The following NCKAP5 variants were observed in gnomAD, a reference collection of about 807,000 sequenced individuals.
NCKAP5 encodes NCK associated protein 5, also known as nck-associated protein 5.
Under a neutral mutation model 167.0 loss-of-function variants are expected in NCKAP5, and 92 were observed. The observed-to-expected ratio is 0.55, with a 90% CI of 0.47 to 0.66. The LOEUF is 0.66. Ranked by LOEUF, NCKAP5 falls within the 30% of genes least tolerant of loss-of-function variation. The pLI, the probability that NCKAP5 is intolerant of heterozygous loss-of-function variation, is 0.00. For synonymous variants in NCKAP5, 891 were observed against 877.4 expected (o/e 1.02, Z -0.27); for missense variants, 2,378 against 2,315.0 (o/e 1.03, Z -0.56).
intron 1 of NCKAP5, among the ~76,000 whole-genome samples, chr2:133,560,312 T>C (rs1416533916): frequency 6.6e-6 from 1 of 152,220 alleles, no homozygotes; most frequent in Non-Finnish European, 1.5e-5. Flanking sequence ...CAGCCACTGT[T>C]CTAGGTCCTA....
At chr2:133,387,248 C>CA (rs557153215) in intron 3 of NCKAP5, among the ~76,000 whole-genome samples, 2,965 of 152,234 alleles carry the variant, frequency 0.019, 92 homozygotes, top group African/African-American at 0.068. Flanking sequence ...CTGGTGGTGA[C>CA]AAAATCTCTC....
intron 11 of NCKAP5, among the ~76,000 whole-genome samples, chr2:132,819,360 G>A (rs751311998): frequency 2.6e-5 from 4 of 152,300 alleles, no homozygotes; most frequent in Middle Eastern, 3.4e-3. Flanking sequence ...CAAGCAGAGC[G>A]CTACAGCTAT....
At chr2:133,507,773 A>C (rs1054864716) in intron 3 of NCKAP5, among the ~76,000 whole-genome samples, 1 of 152,194 alleles carries the variant, frequency 6.6e-6, no homozygotes, top group African/African-American at 2.4e-5. Context: ...AACTGGCAGA[A>C]AGATCATAAA....
At chr2:133,147,985 C>T (rs12622633) in intron 5 of NCKAP5, among the ~76,000 whole-genome samples, 19,773 of 151,940 alleles carry the variant, frequency 0.13, 1,496 homozygotes, top group East Asian at 0.38. Flanking sequence ...ATCTGAAAAC[C>T]ATAAAGCTTT....
At chr2:132,855,954 G>A (rs571094872) in intron 11 of NCKAP5, among the ~76,000 whole-genome samples, 16 of 152,138 alleles carry the variant, frequency 1.1e-4, no homozygotes, top group Non-Finnish European at 1.9e-4. Flanking sequence ...CACAAGGTCA[G>A]GAGATCAAGA....
Position 133,202,461 on chromosome 2 carries a change from C to G in NCKAP5, c.207+11255G>C, listed in dbSNP as rs191400425. Among the ~76,000 whole-genome samples, 6 of 152,262 alleles carry G rather than the reference C, an allele frequency of 3.9e-5. No homozygotes were observed. In the East Asian group the frequency reaches 9.6e-4, roughly 24 times the overall value. On this transcript the variant is annotated intron_variant, in intron 5 of 19. Transcript: ENST00000409261. ...AGAAGAAAACCTAGGCAATACCATT[C>G]AGGACATAGGCATGGACAAGGACTT...
intron 4 of NCKAP5, among the ~76,000 whole-genome samples, chr2:133,220,615 T>C (rs1456372471): frequency 6.6e-6 from 1 of 152,106 alleles, no homozygotes; most frequent in Non-Finnish European, 1.5e-5. Flanking sequence ...GGAAATAGTG[T>C]TCCCAATGAA....
At chr2:132,989,472 C>T (rs2077390262) in intron 7 of NCKAP5, among the ~76,000 whole-genome samples, 1 of 152,068 alleles carries the variant, frequency 6.6e-6, no homozygotes, top group African/African-American at 2.4e-5. Flanking sequence ...TCCTTGAGCT[C>T]CCTAAAGTTA....
chr2:133,476,469 G>A (rs150625531), intron 3 of NCKAP5, among the ~76,000 whole-genome samples: 7 of 152,282 alleles, frequency 4.6e-5, no homozygotes, highest in African/African-American at 9.6e-5. Context: ...TAAAGCTGCC[G>A]ATTCTGCTGA....
chr2:133,662,992 C>G, the NCKAP5 span, among the ~76,000 whole-genome samples: 1 of 152,074 alleles, frequency 6.6e-6, no homozygotes, highest in African/African-American at 2.4e-5. Context: ...CGGGGCCGGG[C>G]GCGGTGGCTC....
intron 3 of NCKAP5, among the ~76,000 whole-genome samples, chr2:133,397,859 C>A (rs1312737598): frequency 6.6e-6 from 1 of 152,116 alleles, no homozygotes; most frequent in East Asian, 1.9e-4. Flanking sequence ...TATGTAATTC[C>A]CCCCAAGAGA....
chr2:132,959,798 G>A (rs1299165485), intron 8 of NCKAP5, among the ~76,000 whole-genome samples: 1 of 152,152 alleles, frequency 6.6e-6, no homozygotes, highest in Non-Finnish European at 1.5e-5. Context: ...CAGTGCTGTT[G>A]AGAATGGTGA....
chr2:133,111,283 T>C (rs2081901592), intron 6 of NCKAP5, among the ~76,000 whole-genome samples: 2 of 152,190 alleles, frequency 1.3e-5, no homozygotes, highest in African/African-American at 4.8e-5. Context: ...AGATTGTTGC[T>C]GTAGACCTGC....
At chr2:133,572,829 C>T (rs956380043), upstream of NCKAP5, among the ~76,000 whole-genome samples, 8 of 152,120 alleles carry the variant, frequency 5.3e-5, no homozygotes, top group Admixed American at 2.6e-4. Flanking sequence ...CCTTGAGAAC[C>T]CTCGTGTTTA....
At chr2:133,170,717 A>T (rs564913903) in intron 5 of NCKAP5, among the ~76,000 whole-genome samples, 2 of 152,332 alleles carry the variant, frequency 1.3e-5, no homozygotes, top group African/African-American at 4.8e-5. Context: ...ATTCACAGCA[A>T]TGGCGATGGG....
intron 19 of NCKAP5, among the ~76,000 whole-genome samples, chr2:132,684,059 T>C (rs1485524812): frequency 2.0e-5 from 3 of 152,226 alleles, no homozygotes; most frequent in African/African-American, 7.2e-5. Context: ...TTATAAAAGG[T>C]ATTCTCTTCA....
At chr2:133,264,510 G>T (rs574233706) in intron 4 of NCKAP5, among the ~76,000 whole-genome samples, 1 of 152,140 alleles carries the variant, frequency 6.6e-6, no homozygotes, top group African/African-American at 2.4e-5. Flanking sequence ...CACCCCCGGG[G>T]GCCTACAATG....
the NCKAP5 span, among the ~76,000 whole-genome samples, chr2:133,633,569 T>C: frequency 6.6e-6 from 1 of 152,054 alleles, no homozygotes; most frequent in Non-Finnish European, 1.5e-5. Context: ...AGCACACAGA[T>C]AGGGAGGTAT....
chr2:133,255,743 T>C (rs1025637507), intron 4 of NCKAP5, among the ~76,000 whole-genome samples: 6 of 152,208 alleles, frequency 3.9e-5, no homozygotes, highest in Non-Finnish European at 8.8e-5. Flanking sequence ...GCTTTTATCC[T>C]GTTTTGGAAA....
Sources: gnomAD v4.1 joint callset for allele counts (sites outside exome capture counted in the v4.1 genomes callset) on GRCh38, gnomAD v4.1.1 for gene constraint, MANE v1.5 for transcripts, NCBI Gene and HGNC (gene_info 2026-07-23, HGNC 2026-07-21) for gene names.